YWHAQ: variants seen among roughly 807,000 people sequenced by gnomAD.
YWHAQ encodes 14-3-3 protein theta.
A neutral mutation model predicts 28.3 loss-of-function variants in YWHAQ; 6 were observed. The observed-to-expected ratio is 0.21, with a 90% CI of 0.12 to 0.42. YWHAQ has a LOEUF of 0.42. YWHAQ is among the 10% of genes least tolerant of loss of function. YWHAQ has a pLI of 1.00. For missense variants in YWHAQ, 201 were observed against 305.6 expected (o/e 0.66, Z 2.55); for synonymous variants, 143 against 119.1 (o/e 1.20, Z -1.31).
rs1182062217 is a variant in YWHAQ at position 9,630,548 on chromosome 2, G to GGGCGGCGA, written c.-82-22_-82-15dup. The GGGCGGCGA allele has an allele frequency of 4.1e-5, 52 of 1,254,346 alleles. No individual in the cohort carries two copies. In the African/African-American group the frequency reaches 7.0e-4, roughly 17 times the overall value. 77.7% of individuals were successfully genotyped at this position (1,254,346 alleles called of 1,614,324 possible). A position where few individuals can be genotyped will look rare whatever the true frequency, so the allele number is the denominator to read the frequency against. The stretch of plus-strand genomic sequence containing the variant: ...GAGCCTCGAGAGCTGCGGAGGGGCG[G>GGGCGGCGA]GGCGGCGAGGCGAGAACAAAAAGCA... On this transcript the variant is annotated splice_polypyrimidine_tract_variant and intron_variant, in intron 1 of 5. Transcript: ENST00000238081. This position sits in a 1 kb window ranked among gnomAD's most constrained non-coding sequence, Gnocchi z 5.6.
At chr2:9,623,180 T>C (rs993981803) in intron 2 of YWHAQ, among the ~76,000 whole-genome samples, 11 of 152,198 alleles carry the variant, frequency 7.2e-5, no homozygotes, top group African/African-American at 2.7e-4. Context: ...TCCTCATACA[T>C]CCAATACTGA....
At chr2:9,612,739 A>C (rs997969336) in intron 2 of YWHAQ, among the ~76,000 whole-genome samples, 2 of 152,246 alleles carry the variant, frequency 1.3e-5, no homozygotes, top group South Asian at 4.2e-4. Flanking sequence ...AAAAAGCAAC[A>C]CTAAGTATCT....
At chr2:9,617,547 G>A (rs1020192500) in intron 2 of YWHAQ, among the ~76,000 whole-genome samples, 5 of 152,110 alleles carry the variant, frequency 3.3e-5, no homozygotes, top group East Asian at 1.9e-4. Flanking sequence ...TGCATTGCAC[G>A]ACAAAATGAA....
At chr2:9,591,276 C>T in intron 3 of YWHAQ, 116 bp downstream of exon 3, 2 of 1,244,492 alleles carry the variant, frequency 1.6e-6, no homozygotes, top group Non-Finnish European at 2.1e-6. Flanking sequence ...TCTTGACATA[C>T]ATTCAATTAT....
intron 5 of YWHAQ, 86 bp from the exon 6 acceptor site, chr2:9,585,431 AGAG>A (rs1369078819): frequency 7.1e-7 from 1 of 1,399,240 alleles, no homozygotes; most frequent in Non-Finnish European, 9.8e-7. Context: ...ATTAACTACA[AGAG>A]TAGTAAATTC....
intron 2 of YWHAQ, among the ~76,000 whole-genome samples, chr2:9,598,514 A>G (rs185471860): frequency 1.6e-4 from 24 of 152,256 alleles, no homozygotes; most frequent in Admixed American, 5.2e-4. Flanking sequence ...AAGCATGTCT[A>G]TCAGAGCCAA....
intron 2 of YWHAQ, among the ~76,000 whole-genome samples, chr2:9,611,217 C>T (rs886330955): frequency 3.3e-5 from 5 of 152,182 alleles, no homozygotes; most frequent in Admixed American, 2.0e-4. Flanking sequence ...ACTGTGGAGA[C>T]GATGGTCATT....
At position 9,630,089 on chromosome 2, in the gene YWHAQ, G is replaced by A. The variant is rs890405510; in HGVS notation, c.294+70C>T. ...CAAGCCCCGGCTCACGTTTGTTTCC[G>A]TGCCCGCGAAACTCTCAATGAAAAG... On this transcript the variant is annotated intron_variant, in intron 2 of 5. Coordinates refer to ENST00000238081, the MANE Select transcript of YWHAQ (RefSeq NM_006826.4). This position sits in a 1 kb window ranked among gnomAD's most constrained non-coding sequence, Gnocchi z 5.6. The A allele has an allele frequency of 6.5e-7, 1 of 1,549,070 alleles. No individual in the cohort carries two copies. Among genetic ancestry groups the A allele is most frequent in the Non-Finnish European group, 8.7e-7 (1 of 1,143,598 alleles).
intron 3 of YWHAQ, 60 bp from the exon 4 acceptor site, chr2:9,588,388 AT>A (rs751866146): frequency 4.6e-5 from 71 of 1,550,870 alleles, no homozygotes; most frequent in Admixed American, 1.3e-4. Flanking sequence ...TACACAGTAC[AT>A]TAACAACTTG....
chr2:9,585,008 C>G lies in YWHAQ; in HGVS notation c.*278G>C, dbSNP rs574721044. The G allele has an allele frequency of 8.1e-6, 3 of 369,594 alleles. No individual in the cohort carries two copies. In the East Asian group the frequency reaches 1.4e-4, roughly 17 times the overall value. The allele number at this position is 369,594 out of a possible 1,614,324, so 22.9% of individuals were successfully genotyped here. A position where few individuals can be genotyped will look rare whatever the true frequency, so the allele number is the denominator to read the frequency against. Reference sequence around the variant, plus strand: ...GTTCAGATTACTTAAATACCAGATACATTTTTAGTCCTCTACATAAGTGTT... The same window carrying G: ...GTTCAGATTACTTAAATACCAGATAGATTTTTAGTCCTCTACATAAGTGTT... On this transcript the variant is annotated 3_prime_UTR_variant, in exon 6 of 6. Coordinates refer to ENST00000238081, the MANE Select transcript of YWHAQ (RefSeq NM_006826.4).
At chr2:9,621,389 A>G (rs1354192135) in intron 2 of YWHAQ, among the ~76,000 whole-genome samples, 1 of 152,156 alleles carries the variant, frequency 6.6e-6, no homozygotes, top group Non-Finnish European at 1.5e-5. Flanking sequence ...GCTACACACT[A>G]TCTTCTTGCT....
chr2:9,626,476 C>T (rs754795774), intron 2 of YWHAQ, among the ~76,000 whole-genome samples: 2 of 152,220 alleles, frequency 1.3e-5, no homozygotes, highest in Non-Finnish European at 2.9e-5. Flanking sequence ...GTGGCCCAGG[C>T]TGGAGTGCAG....
chr2:9,599,408 C>T (rs1666643565), intron 2 of YWHAQ, among the ~76,000 whole-genome samples: 1 of 152,166 alleles, frequency 6.6e-6, no homozygotes, highest in Admixed American at 6.5e-5. Flanking sequence ...CAGCCTCATA[C>T]CAGAAGATGC....
chr2:9,592,526 C>G (rs1395188524), intron 2 of YWHAQ, among the ~76,000 whole-genome samples: 2 of 152,110 alleles, frequency 1.3e-5, no homozygotes, highest in South Asian at 2.1e-4. Context: ...GAGTTCGAGA[C>G]CAGCCTGGCC....
rs1667349817 is a variant in YWHAQ at position 9,630,541 on chromosome 2, A to C, written c.-82-7T>G. ...GCGGGAGGAGCCTCGAGAGCTGCGG[A>C]GGGGCGGGGCGGCGAGGCGAGAACA... On this transcript the variant is annotated splice_polypyrimidine_tract_variant and splice_region_variant and intron_variant, in intron 1 of 5. Coordinates refer to ENST00000238081, the MANE Select transcript of YWHAQ (RefSeq NM_006826.4). The surrounding 1 kb of genome is among the most constrained non-coding windows in gnomAD (Gnocchi z 5.6). 13 of 1,307,860 alleles carry C rather than the reference A, an allele frequency of 9.9e-6. No homozygotes were observed. The highest frequency in any genetic ancestry group is 1.3e-5 in the Non-Finnish European group (13 of 982,694). The allele number at this position is 1,307,860 out of a possible 1,614,324, so 81.0% of individuals were successfully genotyped here.
At chr2:9,586,409 A>C (rs6705840) in intron 5 of YWHAQ, among the ~76,000 whole-genome samples, 5,925 of 152,316 alleles carry the variant, frequency 0.039, 365 homozygotes, top group African/African-American at 0.13. Context: ...ATTATTATGA[A>C]GATACTAAAT....
At chr2:9,589,080 C>G (rs1050545063) in intron 3 of YWHAQ, among the ~76,000 whole-genome samples, 26 of 152,068 alleles carry the variant, frequency 1.7e-4, no homozygotes, top group African/African-American at 6.0e-4. Context: ...CAAGATCATG[C>G]TGCTGCACTC....
intron 2 of YWHAQ, among the ~76,000 whole-genome samples, chr2:9,592,853 A>T (rs1666486074): frequency 6.6e-6 from 1 of 152,226 alleles, no homozygotes; most frequent in African/African-American, 2.4e-5. Flanking sequence ...AACCAGTAAC[A>T]GATGTCAAAG....
intron 2 of YWHAQ, among the ~76,000 whole-genome samples, chr2:9,601,652 T>G (rs1256768879): frequency 6.6e-6 from 1 of 151,910 alleles, no homozygotes; most frequent in Non-Finnish European, 1.5e-5. Flanking sequence ...TTAAGATTGT[T>G]TTTTTTTTTT....
Sources: allele counts gnomAD v4.1 joint callset (sites outside exome capture counted in the v4.1 genomes callset), GRCh38; gene constraint gnomAD v4.1.1; non-coding constraint Gnocchi (gnomAD v3.1); transcripts MANE v1.5; gene names NCBI Gene and HGNC (gene_info 2026-07-23, HGNC 2026-07-21).